The following PTPN9 variants were observed in gnomAD, a reference collection of about 807,000 sequenced individuals.
PTPN9 encodes the protein protein tyrosine phosphatase non-receptor type 9, also known as tyrosine-protein phosphatase non-receptor type 9.
Under a neutral mutation model 69.8 loss-of-function variants are expected in PTPN9, and 26 were observed. That is an observed-to-expected ratio of 0.37 (90% CI 0.27 to 0.52). The LOEUF (loss-of-function observed/expected upper bound fraction) is 0.52. Among genes scored for constraint, PTPN9 ranks in the 20% least tolerant of loss-of-function variants. The pLI is 0.91. For synonymous variants in PTPN9, 274 were observed against 272.5 expected (o/e 1.01, Z -0.05); for missense variants, 549 against 740.3 (o/e 0.74, Z 3.00).
At chr15:75,524,379 GAGAT>G in intron 2 of PTPN9, 81 bp from the exon 3 acceptor site, 1 of 758,312 alleles carries the variant, frequency 1.3e-6, no homozygotes, top group South Asian at 1.8e-5. Context: ...CCAAATCTCA[GAGAT>G]AAGGTGGTTA....
chr15:75,505,028 G>A (rs1002191089), intron 7 of PTPN9, among the ~76,000 whole-genome samples: 2 of 152,242 alleles, frequency 1.3e-5, no homozygotes, highest in African/African-American at 4.8e-5. Context: ...AGGGGGGAAA[G>A]GTGGGGAAAA....
chr15:75,531,762 T>C (rs2141325421), intron 1 of PTPN9, among the ~76,000 whole-genome samples: 1 of 152,088 alleles, frequency 6.6e-6, no homozygotes, highest in South Asian at 2.1e-4. Flanking sequence ...GGTTTCACCA[T>C]GTTAGCTGGG....
At chr15:75,482,078 T>C (rs1272912255) in intron 8 of PTPN9, among the ~76,000 whole-genome samples, 1 of 150,588 alleles carries the variant, frequency 6.6e-6, no homozygotes, top group Non-Finnish European at 1.5e-5. Flanking sequence ...TAGAAAGAAG[T>C]AGACATGGGA....
rs369339360 is a variant in PTPN9, at chr15:75,517,337, C to T, written c.450G>A (p.Val150=). 20 of 1,613,688 alleles carry T rather than the reference C, an allele frequency of 1.2e-5. No homozygotes were observed. In the African/African-American group the frequency reaches 2.3e-4, roughly 18 times the overall value. The part of the protein sequence containing the change: ...DSFETQRNGL[V]FIYDMCGSNY... ...TAGAACCACACATGTCATAGATAAACACCAGTCCATTCCTCTGAGTTTCAA... is the reference window on the plus strand; with the variant it reads ...TAGAACCACACATGTCATAGATAAATACCAGTCCATTCCTCTGAGTTTCAA... Residue 150 remains valine (V), a synonymous_variant, in exon 5 of 13, where the codon GTG becomes GTA. Transcript: ENST00000618819.
intron 1 of PTPN9, among the ~76,000 whole-genome samples, chr15:75,530,423 ATAT>A (rs1415258115): frequency 9.4e-6 from 1 of 106,886 alleles, no homozygotes; most frequent in Non-Finnish European, 1.8e-5. Context: ...ATTATATATT[ATAT>A]TATAATATAT....
intron 7 of PTPN9, among the ~76,000 whole-genome samples, chr15:75,495,718 C>G (rs2074736955): frequency 6.6e-6 from 1 of 151,092 alleles, no homozygotes; most frequent in African/African-American, 2.4e-5. Flanking sequence ...ACAACCACAA[C>G]AACAAAACAA....
chr15:75,486,781 G>GT (rs34430924), intron 8 of PTPN9, among the ~76,000 whole-genome samples: 3,280 of 118,486 alleles, frequency 0.028, 75 homozygotes, highest in Middle Eastern at 0.042. Context: ...CATATGTGGT[G>GT]TTTTTTTTTT....
chr15:75,482,773 A>G (rs987541278), intron 8 of PTPN9, among the ~76,000 whole-genome samples: 2 of 149,532 alleles, frequency 1.3e-5, no homozygotes, highest in African/African-American at 4.9e-5. Flanking sequence ...AGAATTATCA[A>G]TAAAAAAATA....
At chr15:75,537,061 G>C (rs2074985252) in intron 1 of PTPN9, among the ~76,000 whole-genome samples, 2 of 152,032 alleles carry the variant, frequency 1.3e-5, no homozygotes, top group Admixed American at 6.6e-5. Context: ...AGAAATACTA[G>C]TGATTGCAGG....
At chr15:75,571,493 C>T (rs2075148242) in intron 1 of PTPN9, among the ~76,000 whole-genome samples, 1 of 152,128 alleles carries the variant, frequency 6.6e-6, no homozygotes, top group Non-Finnish European at 1.5e-5. Flanking sequence ...CGTGGTGGCT[C>T]ACGCCTGTAC....
In PTPN9 at chr15:75,578,742, G is replaced by A. The variant is rs1161089495; in HGVS notation, c.35C>T (p.Ala12Val). The stretch of plus-strand genomic sequence containing the variant: ...CTCCTCCTCCGGGGTCAGCTCCGGC[G>A]CCATGTCGGGCCGGGGCGCGGTCGC... Reference protein sequence around the residue: ...EPATAPRPDMAPELTPEEEQA... With the variant: ...EPATAPRPDMVPELTPEEEQA... The change falls in exon 1 of 13, where the codon GCG becomes GTG. Residue 12 changes from alanine to valine, a missense_variant. Physicochemically the swap from Ala to Val is moderately conservative, Grantham distance 64. This residue lies in a region of PTPN9 where 62 missense variants were observed against 53.6 expected (regional missense o/e 1.16). Coordinates refer to ENST00000618819, the MANE Select transcript of PTPN9 (RefSeq NM_002833.4). 1 of 1,317,616 alleles carries A rather than the reference G, an allele frequency of 7.6e-7. No individual in the cohort carries two copies. 81.6% of individuals were successfully genotyped at this position (1,317,616 alleles called of 1,614,324 possible). A position where few individuals can be genotyped will look rare whatever the true frequency, so the allele number is the denominator to read the frequency against.
At chr15:75,488,652 T>C (rs974947135) in intron 8 of PTPN9, among the ~76,000 whole-genome samples, 3 of 151,320 alleles carry the variant, frequency 2.0e-5, no homozygotes, top group South Asian at 2.1e-4. Context: ...AAATCAGCCA[T>C]GTGTAATGGC....
At chr15:75,504,084 A>G (rs1444525799) in intron 7 of PTPN9, among the ~76,000 whole-genome samples, 42 of 47,800 alleles carry the variant, frequency 8.8e-4, no homozygotes, top group African/African-American at 1.5e-3. Flanking sequence ...AGGTGGGGGG[A>G]TCAGCACCCC....
At chr15:75,482,674 A>G (rs1294534966) in intron 8 of PTPN9, among the ~76,000 whole-genome samples, 4 of 151,594 alleles carry the variant, frequency 2.6e-5, no homozygotes, top group African/African-American at 7.3e-5. Context: ...TAGGAAAACC[A>G]GAGACCTTTG....
chr15:75,513,142 T>G, intron 5 of PTPN9: 1 of 400,566 alleles, frequency 2.5e-6, no homozygotes, highest in South Asian at 1.9e-5. Flanking sequence ...GTCATGTAAA[T>G]AGACTAGGCC....
Position 75,468,821 on chromosome 15 carries a change from T to C in PTPN9, c.1730A>G (p.Lys577Arg). The C allele has an allele frequency of 6.2e-7, 1 of 1,614,168 alleles. No homozygotes were observed. Among genetic ancestry groups the C allele is most frequent in the Non-Finnish European group, 8.5e-7 (1 of 1,180,010 alleles). The change falls in exon 13 of 13, where the codon AAG becomes AGG. Residue 577 changes from lysine (K) to arginine (R), a missense_variant. Around this residue, in one of 3 missense-constraint regions of PTPN9, gnomAD observed 30 missense variants for 24.8 expected, o/e 1.21. Coordinates refer to ENST00000618819, the MANE Select transcript of PTPN9 (RefSeq NM_002833.4). ...CYKAILEFAE[K>R]EGMVSSGQNL... is the part of the protein sequence containing the mutation. ...TTGGCCAGAGGATACCATGCCCTCC[T>C]TCTCTGCGAACTCCAGGATGGCCTT...
At chr15:75,500,052 G>A (rs943787070) in intron 7 of PTPN9, among the ~76,000 whole-genome samples, 3 of 152,012 alleles carry the variant, frequency 2.0e-5, no homozygotes, top group African/African-American at 7.2e-5. Context: ...GGTGGCTCAC[G>A]CCTGTAATCC....
At chr15:75,523,958 CA>C (rs542399704) in intron 3 of PTPN9, among the ~76,000 whole-genome samples, 61 of 152,012 alleles carry the variant, frequency 4.0e-4, no homozygotes, top group Admixed American at 1.7e-3. Flanking sequence ...AAAGTCCAAA[CA>C]GGGGGGGATG....
rs1448429717 is a variant in PTPN9, at chr15:75,465,810, G to A, written c.*2959C>T. The A allele has an allele frequency of 1.2e-4, 19 of 152,098 alleles. No individual in the cohort carries two copies. Among genetic ancestry groups the A allele is most frequent in the African/African-American group, 1.4e-4 (6 of 41,402 alleles). The allele number at this position is 152,098 out of a possible 1,614,324, so 9.4% of individuals were successfully genotyped here. The stretch of plus-strand genomic sequence containing the variant: ...ATAACCTTAAATTCACAGGGCAGTC[G>A]GGTTACAGCCTCTTCAAATAAATGA... On this transcript the variant is annotated 3_prime_UTR_variant, in exon 13 of 13. Transcript: ENST00000618819.
Sources: allele counts gnomAD v4.1 joint callset (sites outside exome capture counted in the v4.1 genomes callset), GRCh38; gene constraint gnomAD v4.1.1; regional missense constraint gnomAD v4.1.1; transcripts MANE v1.5; gene names NCBI Gene and HGNC (gene_info 2026-07-23, HGNC 2026-07-21).